Variants in CPED1 observed in about 807,000 individuals in gnomAD.
CPED1 encodes cadherin-like and PC-esterase domain-containing protein 1.
In CPED1, 114 loss-of-function variants were observed where a neutral mutation model predicts 128.2. The observed-to-expected ratio is 0.89, with a 90% confidence interval of 0.76 to 1.04. CPED1 has a LOEUF of 1.04. CPED1 is among the 50% of genes least tolerant of loss of function. CPED1 has a pLI of 0.00. For synonymous variants in CPED1, 462 were observed against 426.7 expected (o/e 1.08, Z -1.02); for missense variants, 1,211 against 1,207.1 (o/e 1.00, Z -0.05).
At position 121,138,209 on chromosome 7, in the gene CPED1, G is replaced by C. The variant is rs113279705; in HGVS notation, c.1699+2119G>C. Among the ~76,000 whole-genome samples, 1,010 of 152,098 alleles carry C rather than the reference G, an allele frequency of 6.6e-3. 13 individuals carry two copies. Among genetic ancestry groups the C allele is most frequent in the African/African-American group, 0.022 (903 of 41,508 alleles). On this transcript the variant is annotated intron_variant, in intron 14 of 22. Coordinates refer to ENST00000310396, the MANE Select transcript of CPED1 (RefSeq NM_024913.5). ...TATGAGTTATGATTATTCCTCAAGA[G>C]AGCAATCAAATTCTGCAGTTAAAAG...
intron 5 of CPED1, among the ~76,000 whole-genome samples, chr7:121,094,129 A>G (rs2116199585): frequency 6.6e-6 from 1 of 152,328 alleles, no homozygotes; most frequent in South Asian, 2.1e-4. Context: ...GTACTCATAA[A>G]TGGTACTTAT....
At chr7:121,180,615 C>A (rs1347318851) in intron 16 of CPED1, among the ~76,000 whole-genome samples, 2 of 151,992 alleles carry the variant, frequency 1.3e-5, no homozygotes, top group African/African-American at 4.8e-5. Context: ...GTTCTTCTTT[C>A]ATATACTATT....
chr7:121,228,255 A>G (rs1298333987), intron 16 of CPED1, among the ~76,000 whole-genome samples: 1 of 152,074 alleles, frequency 6.6e-6, no homozygotes, highest in African/African-American at 2.4e-5. Flanking sequence ...ATGGGGGACT[A>G]ATATCTAGAA....
intron 17 of CPED1, among the ~76,000 whole-genome samples, chr7:121,237,142 C>A (rs1798277957): frequency 6.6e-6 from 1 of 152,100 alleles, no homozygotes; most frequent in Non-Finnish European, 1.5e-5. Context: ...GTTGATAGCA[C>A]TCAGTAATTT....
rs141470329 is a variant in CPED1, at chr7:121,071,518, C to T, written c.616+7205C>T. On this transcript the variant is annotated intron_variant, in intron 5 of 22. Transcript: ENST00000310396. ...CTTTGCTACTTTTTCTTACTATCAT[C>T]TAGTAGCTTTTGAACCATTCAACTC... 4.2e-3 allele frequency among the ~76,000 whole-genome samples: 638 copies of T among 152,092 alleles called. 2 individuals are homozygous for T. The highest frequency in any genetic ancestry group is 6.7e-3 in the Non-Finnish European group (456 of 67,960).
intron 16 of CPED1, among the ~76,000 whole-genome samples, chr7:121,234,322 C>T (rs140585496): frequency 2.6e-5 from 4 of 151,912 alleles, no homozygotes; most frequent in South Asian, 2.1e-4. Context: ...GTCACACAGC[C>T]GGTTCATGAA....
intron 4 of CPED1, chr7:121,061,043 C>A (rs932449172): frequency 6.6e-6 from 1 of 152,374 alleles, no homozygotes; most frequent in African/African-American, 2.4e-5. Flanking sequence ...GACCACGAAC[C>A]CACCAGAAGG....
chr7:121,077,811 TTTTACC>T (rs1794171127), intron 5 of CPED1, among the ~76,000 whole-genome samples: 1 of 151,902 alleles, frequency 6.6e-6, no homozygotes, highest in South Asian at 2.1e-4. Context: ...TATACTTGTC[TTTTACC>T]TTTATTTATG....
intron 4 of CPED1, chr7:121,052,024 C>T (rs916141579): frequency 1.3e-5 from 2 of 152,528 alleles, no homozygotes; most frequent in African/African-American, 4.8e-5. Flanking sequence ...GCTTTCCCAT[C>T]TATTTCGCTA....
chr7:121,055,033 T>C (rs1793457983), intron 4 of CPED1, among the ~76,000 whole-genome samples: 1 of 152,194 alleles, frequency 6.6e-6, no homozygotes, highest in African/African-American at 2.4e-5. Context: ...CAATTAGCAG[T>C]TTATTCCTTC....
rs79753634 is a variant in CPED1, at chr7:121,142,331, G to A, written c.2055+190G>A. ...CGTTGTGAGTGATTTTCTTTTTAGT[G>A]TGATGGCTACTGTCTGTGCTCATTG... is the stretch of plus-strand genomic sequence containing the variant. On this transcript the variant is annotated intron_variant, in intron 16 of 22. Coordinates refer to ENST00000310396, the MANE Select transcript of CPED1 (RefSeq NM_024913.5). Among the ~76,000 whole-genome samples the A allele has an allele frequency of 4.1e-3, 617 of 152,070 alleles. 1 individual carries two copies. Among genetic ancestry groups the A allele is most frequent in the African/African-American group, 0.014 (589 of 41,504 alleles).
At chr7:121,045,110 T>C (rs950732085) in intron 3 of CPED1, among the ~76,000 whole-genome samples, 1 of 152,212 alleles carries the variant, frequency 6.6e-6, no homozygotes, top group Admixed American at 6.5e-5. Context: ...ATTCATCATA[T>C]AGTATTTGGT....
intron 3 of CPED1, among the ~76,000 whole-genome samples, chr7:121,037,590 A>G (rs913525835): frequency 4.6e-5 from 7 of 151,796 alleles, no homozygotes; most frequent in African/African-American, 1.7e-4. Flanking sequence ...CCAGATTTGT[A>G]CTTTTTGCAG....
At chr7:121,260,223 GTTTTTTTTTTTTTTT>G (rs59370305) in intron 18 of CPED1, among the ~76,000 whole-genome samples, 2 of 69,980 alleles carry the variant, frequency 2.9e-5, no homozygotes, top group Non-Finnish European at 5.0e-5. Context: ...CTTGCTTCGC[GTTTTTTTTTTTTTTT>G]TTTTTTTTTT....
intron 7 of CPED1, among the ~76,000 whole-genome samples, chr7:121,102,581 G>A (rs1009722488): frequency 6.6e-6 from 1 of 152,154 alleles, no homozygotes; most frequent in African/African-American, 2.4e-5. Flanking sequence ...TTGACAGACA[G>A]TAGGGTGGAG....
chr7:121,260,997 A>T (rs1046268461), intron 18 of CPED1, among the ~76,000 whole-genome samples: 2 of 152,070 alleles, frequency 1.3e-5, no homozygotes, highest in African/African-American at 4.8e-5. Flanking sequence ...GAAGCTAACG[A>T]GTTATACTAC....
At chr7:121,007,226 G>T (rs1792042325) in intron 2 of CPED1, among the ~76,000 whole-genome samples, 1 of 122,822 alleles carries the variant, frequency 8.1e-6, no homozygotes, top group African/African-American at 2.9e-5. Flanking sequence ...AACTGTTCAG[G>T]TTGCATTTTT....
chr7:121,270,235 GGTTT>G (rs1288419415), intron 21 of CPED1, among the ~76,000 whole-genome samples: 2 of 151,788 alleles, frequency 1.3e-5, no homozygotes, highest in Non-Finnish European at 2.9e-5. Context: ...CTTTTTAATG[GGTTT>G]GTTTTCTACT....
rs907927214 is a variant in CPED1 at position 121,236,621 on chromosome 7, G to A, written c.2056-93G>A. 6 of 654,262 alleles carry A rather than the reference G, an allele frequency of 9.2e-6. No homozygotes were observed. The African/African-American group carries it at 9.3e-5, about 10-fold the overall frequency. 40.5% of individuals were successfully genotyped at this position (654,262 alleles called of 1,614,324 possible). A position where few individuals can be genotyped will look rare whatever the true frequency, so the allele number is the denominator to read the frequency against. On this transcript the variant is annotated intron_variant, in intron 16 of 22. Coordinates refer to ENST00000310396, the MANE Select transcript of CPED1 (RefSeq NM_024913.5). The stretch of plus-strand genomic sequence containing the variant: ...ATATTTGCTCCCTTTTATCCATAAA[G>A]GTTATTTGCCACATAAAGTCTTATT...
Sources: gnomAD v4.1 joint callset for allele counts (sites outside exome capture counted in the v4.1 genomes callset) on GRCh38, gnomAD v4.1.1 for gene constraint, MANE v1.5 for transcripts, NCBI Gene and HGNC (gene_info 2026-07-23, HGNC 2026-07-21) for gene names.